JAK2: variants seen among roughly 807,000 people sequenced by gnomAD.
The protein encoded by JAK2 is Janus kinase 2.
Under a neutral mutation model 139.3 loss-of-function variants are expected in JAK2, and 86 were observed. The observed-to-expected ratio is 0.62, with a 90% CI of 0.52 to 0.74. JAK2 has a LOEUF of 0.74. Among genes scored for constraint, JAK2 ranks in the 30% least tolerant of loss-of-function variants. The pLI, the probability that JAK2 is intolerant of heterozygous loss-of-function variation, is 0.00. For missense variants in JAK2, 1,421 were observed against 1,360.3 expected (o/e 1.04, Z -0.70); for synonymous variants, 490 against 437.7 (o/e 1.12, Z -1.49).
chr9:5,036,202 A>G (rs1251308885), intron 4 of JAK2, among the ~76,000 whole-genome samples: 1 of 152,180 alleles, frequency 6.6e-6, no homozygotes, highest in African/African-American at 2.4e-5. Context: ...GAGAACTACA[A>G]ACCACTGCTC....
intron 12 of JAK2, among the ~76,000 whole-genome samples, chr9:5,072,114 G>A (rs974702154): frequency 6.6e-6 from 1 of 152,192 alleles, no homozygotes; most frequent in African/African-American, 2.4e-5. Flanking sequence ...ATAAGAGAAA[G>A]TCAGATATTC....
intron 22 of JAK2, chr9:5,111,902 G>C: frequency 2.8e-6 from 1 of 354,978 alleles, no homozygotes; most frequent in South Asian, 2.1e-5. Context: ...GACGCCCTCG[G>C]GAAGGCCTGG....
chr9:5,041,518 C>T (rs1358963359), intron 4 of JAK2: 15 of 555,126 alleles, frequency 2.7e-5, no homozygotes. Context: ...TAGCGCGCCA[C>T]GCCCATCGAA....
chr9:5,001,971 C>T (rs1820951947), intron 2 of JAK2, among the ~76,000 whole-genome samples: 1 of 152,024 alleles, frequency 6.6e-6, no homozygotes, highest in East Asian at 1.9e-4. Flanking sequence ...GAAGTTGCTC[C>T]TATCTTTTTA....
intron 11 of JAK2, among the ~76,000 whole-genome samples, chr9:5,069,561 A>G (rs1818802121): frequency 6.6e-6 from 1 of 152,162 alleles, no homozygotes; most frequent in African/African-American, 2.4e-5. Flanking sequence ...TAAAGACAGT[A>G]AAGTTGGAAA....
At chr9:5,113,960 C>A (rs950919986) in intron 22 of JAK2, 5 of 269,304 alleles carry the variant, frequency 1.9e-5, no homozygotes, top group Admixed American at 4.5e-5. Context: ...TCTGGGTACA[C>A]CCAGGTGCCA....
chr9:5,101,908 C>CAAAG (rs1821524416), intron 22 of JAK2, among the ~76,000 whole-genome samples: 1 of 152,144 alleles, frequency 6.6e-6, no homozygotes, highest in Non-Finnish European at 1.5e-5. Flanking sequence ...TTACCAGCAC[C>CAAAG]AAAGACCAAA....
chr9:5,090,786 A>C lies in JAK2; in HGVS notation c.2934A>C (p.Ala978=), dbSNP rs998419113. 1.2e-6 allele frequency: 2 copies of C among 1,613,326 alleles called. No homozygotes were observed. The highest frequency in any genetic ancestry group is 1.7e-6 in the Non-Finnish European group (2 of 1,179,664). ...GTKRYIHRDL[A]TRNILVENEN... ...AAAGGTATATCCACAGGGATCTGGC[A>C]ACGAGAAATATATTGGTGGAGAACG... The change falls in exon 22 of 25, where the codon GCA becomes GCC. Residue 978 remains alanine (A), a synonymous_variant. Coordinates refer to ENST00000381652, the MANE Select transcript of JAK2 (RefSeq NM_004972.4).
chr9:5,101,885 C>T (rs1049067334), intron 22 of JAK2, among the ~76,000 whole-genome samples: 17 of 152,296 alleles, frequency 1.1e-4, no homozygotes, highest in African/African-American at 3.1e-4. Flanking sequence ...CACACCAAAA[C>T]CCCATCTGTA....
intron 2 of JAK2, among the ~76,000 whole-genome samples, chr9:5,010,699 CTTCA>C (rs1229347705): frequency 6.6e-6 from 1 of 152,162 alleles, no homozygotes; most frequent in African/African-American, 2.4e-5. Context: ...TTTTTGAGCT[CTTCA>C]TTCCTTTCTG....
chr9:5,024,949 G>A (rs902863362), intron 3 of JAK2, among the ~76,000 whole-genome samples: 4 of 152,190 alleles, frequency 2.6e-5, no homozygotes, highest in African/African-American at 9.7e-5. Context: ...TGCTTAACTA[G>A]GGGGAGTGGA....
chr9:5,046,957 T>A (rs1373177071), intron 5 of JAK2, among the ~76,000 whole-genome samples: 2 of 152,210 alleles, frequency 1.3e-5, no homozygotes, highest in African/African-American at 4.8e-5. Flanking sequence ...ATATTAATAC[T>A]GCAATGTCTA....
At chr9:5,073,587 G>C (rs1419240359) in intron 13 of JAK2, 111 bp from the exon 14 acceptor site, 3 of 802,652 alleles carry the variant, frequency 3.7e-6, no homozygotes, top group Non-Finnish European at 6.3e-6. Flanking sequence ...CTCATCTATA[G>C]TCATGCTGAA....
At chr9:5,124,030 C>G (rs1823810918) in intron 23 of JAK2, among the ~76,000 whole-genome samples, 1 of 151,360 alleles carries the variant, frequency 6.6e-6, no homozygotes, top group South Asian at 2.1e-4. Context: ...GTCTATTGAT[C>G]TCCTTTGTCC....
intron 22 of JAK2, chr9:5,098,440 A>C (rs1821194835): frequency 6.6e-6 from 1 of 152,122 alleles, no homozygotes; most frequent in Non-Finnish European, 1.5e-5. Context: ...TATTTTCCTA[A>C]TTAGTTCCTG....
At chr9:4,990,876 C>G (rs61676584) in intron 2 of JAK2, among the ~76,000 whole-genome samples, 19,711 of 152,122 alleles carry the variant, frequency 0.13, 3,128 homozygotes, top group African/African-American at 0.38. Context: ...GGAGACTTTT[C>G]CAAAGCTCTC....
Position 5,016,069 on chromosome 9 carries a change from G to A in JAK2, c.-25-5894G>A, listed in dbSNP as rs149824173. 4.6e-3 allele frequency among the ~76,000 whole-genome samples: 703 copies of A among 152,240 alleles called. 6 individuals carry two copies. Among genetic ancestry groups the A allele is most frequent in the African/African-American group, 0.016 (667 of 41,528 alleles). ...GGTACAACATGGATGACTAGAGGCA[G>A]GTCCAGGATGTTACTTTTACTGCCA... On this transcript the variant is annotated intron_variant, in intron 2 of 24. Transcript: ENST00000381652.
rs1374438613 is a variant in JAK2 at position 5,127,437 on chromosome 9, C to G, written c.*646C>G. The G allele has an allele frequency of 8.6e-6, 2 of 231,328 alleles. No homozygotes were observed. The highest frequency in any genetic ancestry group is 1.7e-5 in the Non-Finnish European group (2 of 116,558). The allele number at this position is 231,328 out of a possible 1,614,324, so 14.3% of individuals were successfully genotyped here. ...TTTTTCACATAAAGGGAACAAATGT[C>G]TAGTTTTATTTGTATAGGAAATTTC... On this transcript the variant is annotated 3_prime_UTR_variant, in exon 25 of 25. Coordinates refer to ENST00000381652, the MANE Select transcript of JAK2 (RefSeq NM_004972.4).
intron 2 of JAK2, among the ~76,000 whole-genome samples, chr9:5,001,392 A>G (rs980320027): frequency 2.6e-5 from 4 of 152,142 alleles, no homozygotes; most frequent in African/African-American, 4.8e-5. Flanking sequence ...AAATTTTATC[A>G]TGAATTGGTG....
Sources: allele counts gnomAD v4.1 joint callset (sites outside exome capture counted in the v4.1 genomes callset), GRCh38; gene constraint gnomAD v4.1.1; transcripts MANE v1.5; gene names NCBI Gene and HGNC (gene_info 2026-07-23, HGNC 2026-07-21).